Variants in NEB observed in about 807,000 individuals in gnomAD.
NEB encodes nebulin.
NEB carries 512 observed loss-of-function variants against 952.2 expected under a neutral mutation model. The ratio of observed to expected loss-of-function variants is 0.54; its 90% confidence interval spans 0.50 to 0.58. The LOEUF is 0.58. Among genes scored for constraint, NEB ranks in the 20% least tolerant of loss-of-function variants. NEB has a pLI of 0.00. For synonymous variants in NEB, 2,900 were observed against 3,149.8 expected, an observed-to-expected ratio of 0.92 and a Z score of 2.66; for missense variants, 8,428 against 9,231.1, an observed-to-expected ratio of 0.91 and a Z score of 3.56.
intron 81 of NEB, 51 bp downstream of exon 81, chr2:151,609,758 A>G: frequency 6.6e-7 from 1 of 1,519,792 alleles, no homozygotes; most frequent in South Asian, 1.3e-5. Flanking sequence ...CTGGGCAATG[A>G]ACAAATCTAC....
intron 66 of NEB, 138 bp from the exon 67 acceptor site, chr2:151,630,957 G>A: frequency 8.8e-7 from 1 of 1,138,502 alleles, no homozygotes; most frequent in South Asian, 1.6e-5. Context: ...GGAAGTGTGA[G>A]TCTTATTACT....
intron 135 of NEB, 91 bp downstream of exon 135, chr2:151,545,797 G>A (rs996003998): frequency 5.4e-6 from 4 of 739,578 alleles, no homozygotes; most frequent in Admixed American, 5.5e-5. Context: ...TGCCTGAACA[G>A]CGATCACTAG....
In NEB at chr2:151,535,708, T is replaced by C. The variant is rs746076977; in HGVS notation, c.21295A>G (p.Thr7099Ala). The C allele has an allele frequency of 1.9e-6, 3 of 1,605,746 alleles. No homozygotes were observed. ...SPINRHFKYA[T>A]QLMNERKYKS... ...ATACATACCTCATTCATCAATTGAG[T>C]TGCATACTTGAAATGCCTATTGATC... The change falls in exon 142 of 182, where the codon ACT becomes GCT. Residue 7099 changes from threonine to alanine, a missense_variant. Thr to Ala is a moderately conservative substitution (Grantham distance 58). This residue lies in a region of NEB where 3,374 missense variants were observed against 3,651.5 expected (regional missense o/e 0.92). Transcript: ENST00000397345.
At chr2:151,508,289 C>CACCATACT (rs1303885245) in intron 161 of NEB, among the ~76,000 whole-genome samples, 180 bp from the exon 162 acceptor site, 1 of 152,160 alleles carries the variant, frequency 6.6e-6, no homozygotes, top group Non-Finnish European at 1.5e-5. Flanking sequence ...AAAGAAAGAG[C>CACCATACT]ACCATACTTT....
Position 151,529,268 on chromosome 2 carries a change from A to G in NEB, c.21677T>C (p.Ile7226Thr), listed in dbSNP as rs747504576. Reference sequence around the variant, plus strand: ...TTTGATATGAACAGCATCTGGCTCAATGGTGCAGTTGGATTTATTTCTTTG... The same window carrying G: ...TTTGATATGAACAGCATCTGGCTCAGTGGTGCAGTTGGATTTATTTCTTTG... ...VYQRNKSNCT[I>T]EPDAVHIKAA... Residue 7226 changes from isoleucine (I) to threonine (T), a missense_variant, in exon 146 of 182, where the codon ATT becomes ACT. Ile to Thr is a moderately conservative substitution (Grantham distance 89). This residue lies in a region of NEB where 3,374 missense variants were observed against 3,651.5 expected (regional missense o/e 0.92). Transcript: ENST00000397345. 3.1e-5 allele frequency: 50 copies of G among 1,613,602 alleles called. No individual in the cohort carries two copies. Among genetic ancestry groups the G allele is most frequent in the Middle Eastern group, 1.6e-4 (1 of 6,082 alleles).
chr2:151,534,317 T>C lies in NEB; in HGVS notation c.21313-771A>G, dbSNP rs577494262. Reference sequence around the variant, plus strand: ...GCTGCTCATAATCAGCTCTGTATTTTTTCTGCTCAAACATCATAGCATATT... The same window carrying C: ...GCTGCTCATAATCAGCTCTGTATTTCTTCTGCTCAAACATCATAGCATATT... On this transcript the variant is annotated intron_variant, in intron 142 of 181. Transcript: ENST00000397345. 5.0e-6 allele frequency: 8 copies of C among 1,612,832 alleles called. No individual in the cohort carries two copies. The East Asian group carries it at 1.3e-4, about 27-fold the overall frequency.
At chr2:151,644,152 A>G (rs2098923280) in intron 56 of NEB, 23 bp from the exon 57 acceptor site, 1 of 1,604,244 alleles carries the variant, frequency 6.2e-7, no homozygotes, top group Non-Finnish European at 8.5e-7. Flanking sequence ...AATGTGTCTC[A>G]TTCCTTTCAA....
chr2:151,729,969 C>T (rs180867626), intron 3 of NEB, among the ~76,000 whole-genome samples: 1 of 152,084 alleles, frequency 6.6e-6, no homozygotes, highest in Admixed American at 6.5e-5. Flanking sequence ...CTTATGGTCC[C>T]CAAGATAGAA....
intron 166 of NEB, 132 bp from the exon 167 acceptor site, chr2:151,503,017 T>TTTTAC: frequency 1.6e-6 from 1 of 620,560 alleles, no homozygotes; most frequent in East Asian, 2.8e-5. Context: ...AGGATAATGT[T>TTTTAC]TTTACTTTTT....
Position 151,547,655 on chromosome 2 carries a change from C to A in NEB, c.20241G>T (p.Lys6747Asn), listed in dbSNP as rs2153617719. 1.9e-6 allele frequency: 3 copies of A among 1,613,780 alleles called. No individual in the cohort carries two copies. The South Asian group carries it at 3.3e-5, about 18-fold the overall frequency. ...CCACCTCACTGACAGCCTCTTGTGT[C>A]TTCTTGACTTGGCGGATCTCAGGGG... ...PDTPEIRQVK[K>N]TQEAVSELIY... is the part of the protein sequence containing the mutation. The change falls in exon 132 of 182, where the codon AAG (lysine) becomes AAT (asparagine). Residue 6747 changes from lysine to asparagine, a missense_variant. By Grantham distance (94) the Lys-to-Asn change is moderately conservative. This residue lies in a region of NEB where 3,374 missense variants were observed against 3,651.5 expected (regional missense o/e 0.92). Coordinates refer to ENST00000397345, the MANE Select transcript of NEB (RefSeq NM_001164508.2).
chr2:151,496,242 CAGTA>C (rs745359696), intron 173 of NEB, 30 bp downstream of exon 173: 1 of 1,515,008 alleles, frequency 6.6e-7, no homozygotes, highest in Non-Finnish European at 9.0e-7. Flanking sequence ...TTTTTAAAAT[CAGTA>C]AGTAGTTTTT....
At chr2:151,513,832 T>C (rs1476513690) in intron 159 of NEB, 139 bp from the exon 160 acceptor site, 8 of 660,264 alleles carry the variant, frequency 1.2e-5, no homozygotes, top group South Asian at 1.1e-4. Flanking sequence ...TCACCTTCGC[T>C]CTTCCGTGTG....
At position 151,663,816 on chromosome 2, in the gene NEB, A is replaced by G. The variant is rs751494785; in HGVS notation, c.5495T>C (p.Ile1832Thr). The change falls in exon 45 of 182, where the codon ATT becomes ACT. Residue 1832 changes from isoleucine to threonine, a missense_variant. By Grantham distance (89) the Ile-to-Thr change is moderately conservative. This residue lies in a region of NEB where 2,851 missense variants were observed against 2,791.5 expected (regional missense o/e 1.02). Coordinates refer to ENST00000397345, the MANE Select transcript of NEB (RefSeq NM_001164508.2). ...KAYEQAKGKH[I>T]GFRSLEDDPK... is the part of the protein sequence containing the mutation. ...GTCATCTTCCAGGCTCCGGAAGCCA[A>G]TGTGTTTCCCTTTGGCTTGTTCATA... 2.0e-5 allele frequency: 33 copies of G among 1,613,708 alleles called. No homozygotes were observed. In the Admixed American group the frequency reaches 3.7e-4, roughly 18 times the overall value.
chr2:151,562,688 A>G lies in NEB; in HGVS notation c.18814T>C (p.Tyr6272His), dbSNP rs921387109. The G allele has an allele frequency of 3.7e-6, 6 of 1,606,076 alleles. No homozygotes were observed. In the Admixed American group the frequency reaches 6.7e-5, roughly 18 times the overall value. The change falls in exon 120 of 182, where the codon TAT (tyrosine) becomes CAT (histidine). Residue 6272 changes from tyrosine to histidine, a missense_variant. Coordinates refer to ENST00000397345, the MANE Select transcript of NEB (RefSeq NM_001164508.2). ...AGAAGAGACGTCCACTGGTGGAAAT[A>G]GTGTCGATACTCCAGGTCACTGAGG... Reference protein sequence around the residue: ...YILSDLEYRHYFHQWTSLLEE... With the variant: ...YILSDLEYRHHFHQWTSLLEE...
chr2:151,640,192 C>T (rs2098829281), intron 61 of NEB, 132 bp from the exon 62 acceptor site: 16 of 1,455,928 alleles, frequency 1.1e-5, no homozygotes, highest in Non-Finnish European at 1.5e-5. Context: ...CACAATATTC[C>T]TCTTTGGTCT....
At chr2:151,725,326 T>C (rs575174530) in intron 6 of NEB, 127 bp downstream of exon 6, 2 of 767,836 alleles carry the variant, frequency 2.6e-6, no homozygotes, top group Admixed American at 2.7e-5. Context: ...CATGCTTTTC[T>C]AGATTTGTGA....
chr2:151,576,218 T>C lies in NEB; in HGVS notation c.16841A>G (p.Lys5614Arg), dbSNP rs774273511. Reference sequence around the variant, plus strand: ...AGGTGTGTCAACAATGCTTGTGTACTTAAGGTTCACCACAGGCGTCCGATA... The same window carrying C: ...AGGTGTGTCAACAATGCTTGTGTACCTAAGGTTCACCACAGGCGTCCGATA... ...SVYRTPVVNL[K>R]YTSIVDTPEV... The change falls in exon 106 of 182, where the codon AAG (lysine) becomes AGG (arginine). Residue 5614 changes from lysine to arginine, a missense_variant. Transcript: ENST00000397345. The C allele has an allele frequency of 6.2e-7, 1 of 1,611,680 alleles. No homozygotes were observed. Among genetic ancestry groups the C allele is most frequent in the Non-Finnish European group, 8.5e-7 (1 of 1,178,298 alleles).
At position 151,546,359 on chromosome 2, in the gene NEB, G is replaced by A. The variant is rs779958286; in HGVS notation, c.20452C>T (p.Leu6818=). 3 of 1,612,384 alleles carry A rather than the reference G, an allele frequency of 1.9e-6. No individual in the cohort carries two copies. Among genetic ancestry groups the A allele is most frequent in the Admixed American group, 1.7e-5 (1 of 59,764 alleles). Residue 6818 remains leucine, a synonymous_variant, in exon 134 of 182, where the codon CTG becomes TTG. Coordinates refer to ENST00000397345, the MANE Select transcript of NEB (RefSeq NM_001164508.2). The part of the protein sequence containing the change: ...DTPDMVRSRH[L]RKLWSNYLYT... ...TGTGCACTCACCCAGAGCTTCCGCA[G>A]GTGCCGGGAGCGGACCATGTCAGGA...
chr2:151,520,889 A>G (rs1384584562), intron 153 of NEB, among the ~76,000 whole-genome samples: 8 of 152,230 alleles, frequency 5.3e-5, no homozygotes, highest in East Asian at 1.9e-4. Context: ...GGATTTATTT[A>G]TAGGAGAATT....
Sources: gnomAD v4.1 joint callset for allele counts (sites outside exome capture counted in the v4.1 genomes callset) on GRCh38, gnomAD v4.1.1 for gene constraint, gnomAD v4.1.1 regional missense constraint, MANE v1.5 for transcripts, NCBI Gene and HGNC (gene_info 2026-07-23, HGNC 2026-07-21) for gene names.